Variants in HTR2C observed in about 807,000 individuals in gnomAD.
The protein encoded by HTR2C is 5-hydroxytryptamine (serotonin) receptor 2C, G protein-coupled.
Under a neutral mutation model 21.0 loss-of-function variants are expected in HTR2C, and 5 were observed. That is an observed-to-expected ratio of 0.24 (90% CI 0.12 to 0.50). The LOEUF is 0.50. Ranked by LOEUF, HTR2C falls within the 20% of genes least tolerant of loss-of-function variation. HTR2C has a pLI of 0.98. For missense variants in HTR2C, 271 were observed against 371.2 expected (o/e 0.73, Z 2.22); for synonymous variants, 150 against 145.3 (o/e 1.03, Z -0.23).
chrX:114,889,248 CAG>C (rs2071242033), intron 5 of HTR2C, among the ~76,000 whole-genome samples: 1 of 111,998 alleles, frequency 8.9e-6, no homozygotes, highest in South Asian at 3.7e-4. Context: ...GATAATTGGA[CAG>C]AGATTACCTT....
intron 4 of HTR2C, among the ~76,000 whole-genome samples, chrX:114,836,430 C>G (rs913572175): frequency 8.9e-6 from 1 of 112,622 alleles, no homozygotes; most frequent in Non-Finnish European, 1.9e-5. Flanking sequence ...TTAAGCCGGT[C>G]GGAAAAGCGC....
chrX:114,784,388 T>G (rs1440731536), intron 4 of HTR2C, among the ~76,000 whole-genome samples: 2 of 111,416 alleles, frequency 1.8e-5, no homozygotes, highest in Admixed American at 9.5e-5. Flanking sequence ...TGTGAGGTCT[T>G]TCCAAGGAAA....
intron 2 of HTR2C, among the ~76,000 whole-genome samples, chrX:114,711,873 A>G (rs782380996): frequency 8.9e-6 from 1 of 112,188 alleles, no homozygotes; most frequent in East Asian, 2.8e-4. Context: ...TAAACACAAT[A>G]CCTGCATTTA....
chrX:114,694,434 A>AATAT lies in HTR2C; in HGVS notation c.-79-32368_-79-32365dup, dbSNP rs782501990. 3.8e-4 allele frequency among the ~76,000 whole-genome samples: 35 copies of AATAT among 91,876 alleles called. 1 individual carries two copies. Among genetic ancestry groups the AATAT allele is most frequent in the South Asian group, 5.2e-4 (1 of 1,930 alleles). The allele number at this position is 91,876 out of a possible 115,157, so 79.8% of individuals were successfully genotyped here. A position where few individuals can be genotyped will look rare whatever the true frequency, so the allele number is the denominator to read the frequency against. ...CTCTGTTCATTCTATTCCTCAACTA[A>AATAT]ATATATATATATATATATATATATA... On this transcript the variant is annotated intron_variant, in intron 2 of 5. Coordinates refer to ENST00000276198, the MANE Select transcript of HTR2C (RefSeq NM_000868.4).
In HTR2C at chrX:114,761,967, G is replaced by A. The variant is rs1556432607; in HGVS notation, c.349+30360G>A. 2.5e-4 allele frequency among the ~76,000 whole-genome samples: 25 copies of A among 98,232 alleles called. 1 individual carries two copies. The highest frequency in any genetic ancestry group is 1.4e-3 in the East Asian group (5 of 3,455). 85.3% of individuals were successfully genotyped at this position (98,232 alleles called of 115,157 possible). A position where few individuals can be genotyped will look rare whatever the true frequency, so the allele number is the denominator to read the frequency against. The stretch of plus-strand genomic sequence containing the variant: ...TATATACGTGTATATATACATATAT[G>A]TGTATATATACGTGTATATATACTA... On this transcript the variant is annotated intron_variant, in intron 4 of 5. Coordinates refer to ENST00000276198, the MANE Select transcript of HTR2C (RefSeq NM_000868.4).
At chrX:114,740,229 A>G (rs1556425108) in intron 4 of HTR2C, among the ~76,000 whole-genome samples, 1 of 109,812 alleles carries the variant, frequency 9.1e-6, no homozygotes, top group Non-Finnish European at 1.9e-5. Context: ...TTTAATCTCA[A>G]TCATTAGAAG....
At chrX:114,819,182 G>T (rs1278726206) in intron 4 of HTR2C, among the ~76,000 whole-genome samples, 1 of 111,139 alleles carries the variant, frequency 9.0e-6, no homozygotes, top group African/African-American at 3.3e-5. Context: ...ATTTATTTTG[G>T]AATAACAAAG....
At chrX:114,645,052 A>G (rs1289411127) in intron 2 of HTR2C, among the ~76,000 whole-genome samples, 1 of 110,873 alleles carries the variant, frequency 9.0e-6, no homozygotes, top group Non-Finnish European at 1.9e-5. Context: ...ACACATGAAA[A>G]CAATCCAAAA....
intron 4 of HTR2C, among the ~76,000 whole-genome samples, chrX:114,789,132 A>C (rs782791845): frequency 8.9e-6 from 1 of 112,102 alleles, no homozygotes; most frequent in African/African-American, 3.2e-5. Context: ...CATTATCTCA[A>C]GAAGAAAATT....
intron 1 of HTR2C, among the ~76,000 whole-genome samples, chrX:114,587,861 G>A (rs1345607093): frequency 8.9e-6 from 1 of 112,308 alleles, no homozygotes; most frequent in African/African-American, 3.2e-5. Flanking sequence ...AAGTGGTTAA[G>A]CTGCATCATC....
intron 2 of HTR2C, among the ~76,000 whole-genome samples, chrX:114,710,706 G>C (rs1932879255): frequency 9.0e-6 from 1 of 111,613 alleles, no homozygotes; most frequent in East Asian, 2.8e-4. Context: ...ACTCAACTGA[G>C]AGGAGTTTTT....
chrX:114,702,654 A>ATC (rs1569485265), intron 2 of HTR2C, among the ~76,000 whole-genome samples: 3 of 110,951 alleles, frequency 2.7e-5, no homozygotes, highest in African/African-American at 6.5e-5. Flanking sequence ...TGCATCAACT[A>ATC]ATGAGCAAAA....
intron 5 of HTR2C, among the ~76,000 whole-genome samples, chrX:114,874,633 C>A (rs1229064321): frequency 1.8e-5 from 2 of 110,007 alleles, no homozygotes; most frequent in Admixed American, 9.7e-5. Context: ...CTTAGCCTCC[C>A]GAGTAGCTGG....
intron 2 of HTR2C, among the ~76,000 whole-genome samples, chrX:114,644,505 A>G (rs1165680533): frequency 1.0e-5 from 1 of 100,146 alleles, no homozygotes; most frequent in East Asian, 3.1e-4. Context: ...GGTTCACATC[A>G]TGGGATTACT....
Position 114,778,552 on chromosome X carries a change from C to CAA in HTR2C, c.349+46953_349+46954dup, listed in dbSNP as rs10708551. Among the ~76,000 whole-genome samples the CAA allele has an allele frequency of 3.1e-3, 319 of 103,623 alleles. 1 individual carries two copies. The highest frequency in any genetic ancestry group is 0.02 in the Middle Eastern group (4 of 204). 90.0% of individuals were successfully genotyped at this position (103,623 alleles called of 115,157 possible). On this transcript the variant is annotated intron_variant, in intron 4 of 5. Coordinates refer to ENST00000276198, the MANE Select transcript of HTR2C (RefSeq NM_000868.4). ...AAAAAAGGAGAAAATCAGCCTTTTC[C>CAA]AAAAAAAAACAGGCAAAAACTGCAA...
At chrX:114,710,319 A>G (rs970333959) in intron 2 of HTR2C, among the ~76,000 whole-genome samples, 1 of 111,507 alleles carries the variant, frequency 9.0e-6, no homozygotes, top group Non-Finnish European at 1.9e-5. Flanking sequence ...CCCTCTTTCA[A>G]TACTGCTCAT....
At chrX:114,623,854 T>G (rs781796147) in intron 2 of HTR2C, among the ~76,000 whole-genome samples, 1 of 109,881 alleles carries the variant, frequency 9.1e-6, no homozygotes, top group East Asian at 2.8e-4. Flanking sequence ...GCAATTGAAA[T>G]AGTCTAAACC....
chrX:114,775,665 C>T (rs1392052231), intron 4 of HTR2C: 54 of 539,167 alleles, frequency 1.0e-4, no homozygotes, highest in Non-Finnish European at 9.4e-6. Flanking sequence ...TGGACAGCTG[C>T]ACCATAAGCA....
intron 4 of HTR2C, among the ~76,000 whole-genome samples, chrX:114,749,194 A>G (rs1383164040): frequency 9.1e-6 from 1 of 110,138 alleles, no homozygotes; most frequent in Non-Finnish European, 1.9e-5. Flanking sequence ...CACACCTGCA[A>G]TCCCAGCACC....
Sources: gnomAD v4.1 joint callset for allele counts (sites outside exome capture counted in the v4.1 genomes callset) on GRCh38, gnomAD v4.1.1 for gene constraint, MANE v1.5 for transcripts, NCBI Gene and HGNC (gene_info 2026-07-23, HGNC 2026-07-21) for gene names.